RAB22A: variants seen among roughly 807,000 people sequenced by gnomAD.
RAB22A encodes the protein ras-related protein Rab-22A.
In RAB22A, 13 loss-of-function variants were observed where a neutral mutation model predicts 30.2. That is an observed-to-expected ratio of 0.43 (90% confidence interval 0.28 to 0.68). The LOEUF is 0.68. Among genes scored for constraint, RAB22A ranks in the 30% least tolerant of loss-of-function variants. RAB22A has a pLI of 0.18. For synonymous variants in RAB22A, 89 were observed against 87.2 expected (o/e 1.02, Z -0.11); for missense variants, 177 against 246.8 (o/e 0.72, Z 1.89).
At position 58,360,198 on chromosome 20, in the gene RAB22A, G is replaced by C. The variant is rs550671786; in HGVS notation, c.*495G>C. 1 of 152,632 alleles carries C rather than the reference G, an allele frequency of 6.6e-6. No individual in the cohort carries two copies. Among genetic ancestry groups the C allele is most frequent in the Non-Finnish European group, 1.5e-5 (1 of 68,092 alleles). 9.5% of individuals were successfully genotyped at this position (152,632 alleles called of 1,614,324 possible). ...ACAATTATTGTCTGAAGCTAAAATGGGTTATTTATAGGACTGATGGAAATG... is the reference window on the plus strand; with the variant it reads ...ACAATTATTGTCTGAAGCTAAAATGCGTTATTTATAGGACTGATGGAAATG... On this transcript the variant is annotated 3_prime_UTR_variant, in exon 7 of 7. Coordinates refer to ENST00000244040, the MANE Select transcript of RAB22A (RefSeq NM_020673.3).
At chr20:58,353,693 T>C (rs1987089327) in intron 5 of RAB22A, among the ~76,000 whole-genome samples, 155 bp downstream of exon 5, 1 of 152,228 alleles carries the variant, frequency 6.6e-6, no homozygotes, top group African/African-American at 2.4e-5. Flanking sequence ...AAACTAAAAT[T>C]AAGATTTCAG....
At chr20:58,311,849 C>T (rs1410815916) in intron 2 of RAB22A, among the ~76,000 whole-genome samples, 1 of 152,166 alleles carries the variant, frequency 6.6e-6, no homozygotes, top group African/African-American at 2.4e-5. Context: ...GGCCTTTGTG[C>T]TCCATGCAGA....
At chr20:58,315,797 C>T (rs3787154) in intron 2 of RAB22A, among the ~76,000 whole-genome samples, 1 of 152,008 alleles carries the variant, frequency 6.6e-6, no homozygotes, top group East Asian at 1.9e-4. Context: ...CCTATCTTGC[C>T]GGGGCTATTG....
At chr20:58,331,516 C>G (rs570954022) in intron 2 of RAB22A, among the ~76,000 whole-genome samples, 22 of 152,242 alleles carry the variant, frequency 1.4e-4, no homozygotes, top group African/African-American at 5.3e-4. Context: ...TAACCAATCT[C>G]TTATTGACCG....
chr20:58,346,416 C>T (rs1284863418), intron 3 of RAB22A, among the ~76,000 whole-genome samples: 2 of 152,224 alleles, frequency 1.3e-5, no homozygotes, highest in East Asian at 1.9e-4. Flanking sequence ...CTTCTCAGGG[C>T]CTCCAGCACT....
chr20:58,350,576 A>G (rs1343591990), intron 3 of RAB22A, among the ~76,000 whole-genome samples: 1 of 152,244 alleles, frequency 6.6e-6, no homozygotes, highest in Non-Finnish European at 1.5e-5. Context: ...GAGAACAACA[A>G]TATGAATGAT....
rs564459882 is a variant in RAB22A, at chr20:58,347,250, C to T, written c.198+3451C>T. ...TAGTTTTGACAGATGGATTGTCTTT[C>T]TGATGGTCCAGCTACGTTTGATTGC... On this transcript the variant is annotated intron_variant, in intron 3 of 6. Transcript: ENST00000244040. 3.9e-5 allele frequency among the ~76,000 whole-genome samples: 6 copies of T among 152,292 alleles called. No individual in the cohort carries two copies. The East Asian group carries it at 1.2e-3, about 29-fold the overall frequency.
At chr20:58,356,287 G>A (rs1462892368) in intron 6 of RAB22A, among the ~76,000 whole-genome samples, 3 of 150,672 alleles carry the variant, frequency 2.0e-5, no homozygotes, top group Non-Finnish European at 4.4e-5. Context: ...CTCCAGCCTG[G>A]GCAACAAGAG....
At chr20:58,354,366 T>C in intron 6 of RAB22A, 101 bp downstream of exon 6, 2 of 724,522 alleles carry the variant, frequency 2.8e-6, no homozygotes, top group Non-Finnish European at 4.4e-6. Flanking sequence ...CAGTCTAGTC[T>C]CTGATATTGT....
intron 2 of RAB22A, among the ~76,000 whole-genome samples, chr20:58,322,162 G>A (rs1746809575): frequency 6.6e-6 from 1 of 152,136 alleles, no homozygotes; most frequent in African/African-American, 2.4e-5. Flanking sequence ...TTTGTCCCTG[G>A]TAAGAGTGCC....
intron 2 of RAB22A, among the ~76,000 whole-genome samples, chr20:58,343,105 T>C (rs1403400628): frequency 6.6e-6 from 1 of 152,202 alleles, no homozygotes; most frequent in Non-Finnish European, 1.5e-5. Context: ...AGGTGTGATG[T>C]TGAACTTCAG....
chr20:58,325,383 A>C (rs1188726478), intron 2 of RAB22A, among the ~76,000 whole-genome samples: 1 of 152,168 alleles, frequency 6.6e-6, no homozygotes, highest in East Asian at 1.9e-4. Flanking sequence ...AGGCTGAGGC[A>C]GGAGAATCAC....
intron 2 of RAB22A, among the ~76,000 whole-genome samples, chr20:58,318,606 G>C (rs75407828): frequency 1.3e-5 from 2 of 151,908 alleles, no homozygotes; most frequent in African/African-American, 4.8e-5. Flanking sequence ...CAGATAAGGG[G>C]TACTCAGCAT....
intron 2 of RAB22A, among the ~76,000 whole-genome samples, chr20:58,328,748 C>T (rs1308194291): frequency 6.6e-6 from 1 of 152,060 alleles, no homozygotes; most frequent in Non-Finnish European, 1.5e-5. Context: ...CTCTGGGCAC[C>T]ATGGCTCCCT....
intron 2 of RAB22A, among the ~76,000 whole-genome samples, chr20:58,312,048 C>A (rs181557441): frequency 1.5e-3 from 224 of 151,888 alleles, no homozygotes; most frequent in African/African-American, 5.1e-3. Context: ...CTCTGCCTCC[C>A]GGGTTCAAGC....
chr20:58,354,348 A>T (rs1276905300), intron 6 of RAB22A, 83 bp downstream of exon 6: 22 of 932,884 alleles, frequency 2.4e-5, no homozygotes, highest in Middle Eastern at 2.5e-4. Flanking sequence ...TTCCTGTCTT[A>T]CTTAGAGCAG....
chr20:58,365,679 T>G lies in RAB22A; in HGVS notation c.*5976T>G, dbSNP rs989090935. 1.3e-5 allele frequency: 2 copies of G among 152,252 alleles called. No homozygotes were observed. Among genetic ancestry groups the G allele is most frequent in the Non-Finnish European group, 2.9e-5 (2 of 68,192 alleles). 9.4% of individuals were successfully genotyped at this position (152,252 alleles called of 1,614,324 possible). On this transcript the variant is annotated 3_prime_UTR_variant, in exon 7 of 7. Transcript: ENST00000244040. ...GGTGGCTTTTTTTTCTTTTTTTTTTTGAGACGGAGTCTCGCTCTGTCACCC... is the reference window on the plus strand; with the variant it reads ...GGTGGCTTTTTTTTCTTTTTTTTTTGGAGACGGAGTCTCGCTCTGTCACCC...
At chr20:58,319,708 G>GGTCTTTTACCATTCATTCA (rs1248723733) in intron 2 of RAB22A, among the ~76,000 whole-genome samples, 3 of 152,088 alleles carry the variant, frequency 2.0e-5, no homozygotes, top group African/African-American at 7.2e-5. Flanking sequence ...CGTTAATGTA[G>GGTCTTTTACCATTCATTCA]GTCTTTTACC....
At chr20:58,319,389 A>G (rs147184320) in intron 2 of RAB22A, among the ~76,000 whole-genome samples, 2 of 152,260 alleles carry the variant, frequency 1.3e-5, no homozygotes, top group African/African-American at 4.8e-5. Flanking sequence ...GTATTTCTGG[A>G]TTTCCTTTTC....
Sources: gnomAD v4.1 joint callset for allele counts (sites outside exome capture counted in the v4.1 genomes callset) on GRCh38, gnomAD v4.1.1 for gene constraint, MANE v1.5 for transcripts, NCBI Gene and HGNC (gene_info 2026-07-23, HGNC 2026-07-21) for gene names.